Variants in PIWIL3 observed in about 807,000 individuals in gnomAD.
The protein encoded by PIWIL3 is piwi-like protein 3.
In PIWIL3, 101 loss-of-function variants were observed where a neutral mutation model predicts 109.7. That is an observed-to-expected ratio of 0.92 (90% CI 0.78 to 1.09). The LOEUF is 1.09. Among genes scored for constraint, PIWIL3 ranks in the 50% least tolerant of loss-of-function variants. PIWIL3 has a pLI of 0.00. For missense variants in PIWIL3, 1,031 were observed against 1,072.6 expected, an observed-to-expected ratio of 0.96 and a Z score of 0.54; for synonymous variants, 373 against 376.4, an observed-to-expected ratio of 0.99 and a Z score of 0.10.
rs1431377881 is a variant in PIWIL3 at position 24,762,450 on chromosome 22, T to G, written c.50A>C (p.Glu17Ala). Residue 17 changes from glutamate (E) to alanine (A), a missense_variant, in exon 2 of 21, where the codon GAG (glutamate) becomes GCG (alanine). Transcript: ENST00000616349. Reference protein sequence around the residue: ...TRARGRARRRESYQQEAPGGP... With the variant: ...TRARGRARRRASYQQEAPGGP... ...CCCAGGTGCCTCTTGTTGGTAGCTCTCCCTGCGGCGGGCTCTGCCTCGGGC... is the reference window on the plus strand; with the variant it reads ...CCCAGGTGCCTCTTGTTGGTAGCTCGCCCTGCGGCGGGCTCTGCCTCGGGC... The G allele has an allele frequency of 6.2e-7, 1 of 1,613,914 alleles. No individual in the cohort carries two copies. The highest frequency in any genetic ancestry group is 1.3e-5 in the African/African-American group (1 of 74,934).
intron 2 of PIWIL3, 117 bp from the exon 3 acceptor site, chr22:24,760,106 G>C (rs1601849144): frequency 1.4e-6 from 2 of 1,390,502 alleles, no homozygotes; most frequent in East Asian, 4.6e-5. Flanking sequence ...TCACATTCCA[G>C]TGACATAAAC....
At chr22:24,727,828 T>C in intron 16 of PIWIL3, 122 bp downstream of exon 16, 1 of 778,892 alleles carries the variant, frequency 1.3e-6, no homozygotes, top group Non-Finnish European at 2.0e-6. Context: ...GACTACATGA[T>C]TAAGAATAAC....
chr22:24,724,425 C>A (rs1472817388), intron 18 of PIWIL3, among the ~76,000 whole-genome samples: 1 of 151,048 alleles, frequency 6.6e-6, no homozygotes, highest in Non-Finnish European at 1.5e-5. Context: ...CCATGCTCAG[C>A]TAATTTTTTC....
At chr22:24,757,016 T>C (rs917832170) in intron 4 of PIWIL3, among the ~76,000 whole-genome samples, 1 of 144,140 alleles carries the variant, frequency 6.9e-6, no homozygotes, top group African/African-American at 2.6e-5. Context: ...GAGGCAGAGG[T>C]TGCAGTGAGC....
At position 24,754,142 on chromosome 22, in the gene PIWIL3, A is replaced by G. The variant is rs773322392; in HGVS notation, c.849T>C (p.Asp283=). The G allele has an allele frequency of 8.7e-6, 14 of 1,614,016 alleles. No homozygotes were observed. Among genetic ancestry groups the G allele is most frequent in the South Asian group, 4.4e-5 (4 of 91,090 alleles). ...QYENSITLCA[D]VSHKLLRIET... ...CTATTCGGAGCAGTTTGTGGCTCAC[A>G]TCGGCACAGAGGGTAATGCTGTTTT... Residue 283 remains aspartate (D), a synonymous_variant, in exon 8 of 21, where the codon GAT becomes GAC. Transcript: ENST00000616349.
chr22:24,728,026 C>A lies in PIWIL3; in HGVS notation c.1933G>T (p.Asp645Tyr). 6.2e-7 allele frequency: 1 copy of A among 1,614,022 alleles called. No individual in the cohort carries two copies. ...DVQRTMFVGI[D>Y]CFHDIVNRQK... ...CGATTTACGATATCGTGGAAACAAT[C>A]AATGCCAACGAACATTGTTCTTTGT... The change falls in exon 16 of 21, where the codon GAT becomes TAT. Residue 645 changes from aspartate to tyrosine, a missense_variant. Transcript: ENST00000616349.
chr22:24,719,438 G>A lies in PIWIL3; in HGVS notation c.*34C>T. ...AAAGGAAGACAGGCTTACACGTTGT[G>A]GTTTCATTAGCACATCAGGTCTTCT... On this transcript the variant is annotated 3_prime_UTR_variant, in exon 21 of 21. Coordinates refer to ENST00000616349, the MANE Select transcript of PIWIL3 (RefSeq NM_001255975.1). 3 of 1,438,828 alleles carry A rather than the reference G, an allele frequency of 2.1e-6. No individual in the cohort carries two copies. The highest frequency in any genetic ancestry group is 1.9e-6 in the Non-Finnish European group (2 of 1,057,960). 89.1% of individuals were successfully genotyped at this position (1,438,828 alleles called of 1,614,324 possible).
rs16978919 is a variant in PIWIL3, at chr22:24,758,174, G to A, written c.224-135C>T. Reference sequence around the variant, plus strand: ...GTTCCAAAACACATTTCCGTGATATGTTGCCGCAAAAGCGTAACCTTACCC... The same window carrying A: ...GTTCCAAAACACATTTCCGTGATATATTGCCGCAAAAGCGTAACCTTACCC... On this transcript the variant is annotated intron_variant, in intron 3 of 20. Transcript: ENST00000616349. The A allele has an allele frequency of 2.5e-3, 2,774 of 1,092,832 alleles. 57 individuals are homozygous for A. The African/African-American group carries it at 0.04, about 16-fold the overall frequency. 67.7% of individuals were successfully genotyped at this position (1,092,832 alleles called of 1,614,324 possible). A position where few individuals can be genotyped will look rare whatever the true frequency, so the allele number is the denominator to read the frequency against.
At chr22:24,773,464 C>T (rs1056793881) in intron 1 of PIWIL3, among the ~76,000 whole-genome samples, 19 of 152,122 alleles carry the variant, frequency 1.2e-4, no homozygotes, top group Admixed American at 3.9e-4. Flanking sequence ...TGGCAGGTCC[C>T]ACAACGAATG....
intron 2 of PIWIL3, chr22:24,761,973 A>C (rs149693895): frequency 5.1e-6 from 5 of 989,508 alleles, no homozygotes; most frequent in Non-Finnish European, 4.8e-6. Flanking sequence ...TGCTGTGTGA[A>C]TGTAAAGTGG....
rs759888510 is a variant in PIWIL3 at position 24,734,160 on chromosome 22, A to G, written c.1635-4T>C. 1.2e-6 allele frequency: 2 copies of G among 1,610,404 alleles called. No homozygotes were observed. The highest frequency in any genetic ancestry group is 2.2e-5 in the South Asian group (2 of 89,706). ...AGCATCACCATCTACTTCAATCCTA[A>G]AAAATAAATATAGCATCCACATCCA... On this transcript the variant is annotated splice_region_variant and splice_polypyrimidine_tract_variant and intron_variant, in intron 13 of 20. Coordinates refer to ENST00000616349, the MANE Select transcript of PIWIL3 (RefSeq NM_001255975.1).
chr22:24,754,821 A>G lies in PIWIL3; in HGVS notation c.736T>C (p.Tyr246His). The change falls in exon 7 of 21, where the codon TAT becomes CAT. Residue 246 changes from tyrosine (Y) to histidine (H), a missense_variant. Physicochemically the swap from Tyr to His is moderately conservative, Grantham distance 83 (BLOSUM62 2). Coordinates refer to ENST00000616349, the MANE Select transcript of PIWIL3 (RefSeq NM_001255975.1). ...AACTGAATGGCCTTCTTTTTGGTAT[A>G]ATAGTTGCGACCAACTTGTTCAAAA... ...LDFEQVGRNY[Y>H]TKKKAIQLYR... The G allele has an allele frequency of 6.2e-7, 1 of 1,612,966 alleles. No individual in the cohort carries two copies. The highest frequency in any genetic ancestry group is 8.5e-7 in the Non-Finnish European group (1 of 1,179,046).
intron 12 of PIWIL3, among the ~76,000 whole-genome samples, chr22:24,739,528 T>C (rs1923854173): frequency 2.6e-5 from 4 of 151,016 alleles, no homozygotes; most frequent in Admixed American, 2.6e-4. Context: ...CAGAAGAGAG[T>C]AGCATAACAT....
intron 12 of PIWIL3, among the ~76,000 whole-genome samples, chr22:24,740,218 C>CAAAAAAAAAAAAAAAAA (rs71189272): frequency 2.3e-4 from 15 of 63,890 alleles, no homozygotes; most frequent in African/African-American, 9.1e-4. Flanking sequence ...GAGACTGTCT[C>CAAAAAAAAAAAAAAAAA]AAAAAAAAAA....
chr22:24,750,485 TTTTTTC>T (rs967821065), intron 9 of PIWIL3, among the ~76,000 whole-genome samples: 2 of 124,788 alleles, frequency 1.6e-5, no homozygotes, highest in African/African-American at 5.8e-5. Flanking sequence ...ACATTTGATT[TTTTTTC>T]TTTTTTTTTT....
At chr22:24,744,194 A>AAAAAAAAAAC (rs1569103616) in intron 12 of PIWIL3, among the ~76,000 whole-genome samples, 3 of 147,364 alleles carry the variant, frequency 2.0e-5, no homozygotes, top group African/African-American at 5.0e-5. Flanking sequence ...AAAAAAAAAA[A>AAAAAAAAAAC]AAAAAAAAAA....
Position 24,751,476 on chromosome 22 carries a change from C to T in PIWIL3, c.1000G>A (p.Val334Ile). Reference sequence around the variant, plus strand: ...TTCTGCTTCCAATCAATATCATCTACTCTGTAGGTTTTGTTGTTGTATCTG... The same window carrying T: ...TTCTGCTTCCAATCAATATCATCTATTCTGTAGGTTTTGTTGTTGTATCTG... ...LTKYNNKTYR[V>I]DDIDWKQNPE... is the part of the protein sequence containing the mutation. The change falls in exon 9 of 21, where the codon GTA becomes ATA. Residue 334 changes from valine (V) to isoleucine (I), a missense_variant. Transcript: ENST00000616349. 6.2e-7 allele frequency: 1 copy of T among 1,611,832 alleles called. No homozygotes were observed. The highest frequency in any genetic ancestry group is 8.5e-7 in the Non-Finnish European group (1 of 1,179,510).
At position 24,719,483 on chromosome 22, in the gene PIWIL3, A is replaced by G. The variant is rs761395537; in HGVS notation, c.2611T>C (p.Phe871Leu). Residue 871 changes from phenylalanine (F) to leucine (L), a missense_variant, in exon 21 of 21, where the codon TTT becomes CTT. By Grantham distance (22) the Phe-to-Leu change is conservative (BLOSUM62 0). Coordinates refer to ENST00000616349, the MANE Select transcript of PIWIL3 (RefSeq NM_001255975.1). The part of the protein sequence containing the change: ...EPNRSLSTRL[F>L]YL ...TCTTCTTCTGCAGGTCAAAGGTAAAAGAGACGAGTTGACAAGGAACGATTC... is the reference window on the plus strand; with the variant it reads ...TCTTCTTCTGCAGGTCAAAGGTAAAGGAGACGAGTTGACAAGGAACGATTC... 15 of 1,584,686 alleles carry G rather than the reference A, an allele frequency of 9.5e-6. No individual in the cohort carries two copies. Among genetic ancestry groups the G allele is most frequent in the Non-Finnish European group, 1.3e-5 (15 of 1,168,626 alleles).
chr22:24,738,985 T>C (rs1000897514), intron 12 of PIWIL3, among the ~76,000 whole-genome samples: 1 of 152,038 alleles, frequency 6.6e-6, no homozygotes, highest in African/African-American at 2.4e-5. Context: ...ACAGAAAGAA[T>C]TGGGAATTCT....
Sources: allele counts gnomAD v4.1 joint callset (sites outside exome capture counted in the v4.1 genomes callset), GRCh38; gene constraint gnomAD v4.1.1; transcripts MANE v1.5; gene names NCBI Gene and HGNC (gene_info 2026-07-23, HGNC 2026-07-21).